The following ADCY8 variants were observed in gnomAD, a reference collection of about 807,000 sequenced individuals.
ADCY8 encodes adenylate cyclase 8, also known as adenylate cyclase type 8.
A neutral mutation model predicts 119.7 loss-of-function variants in ADCY8; 51 were observed. That is an observed-to-expected ratio of 0.43 (90% CI 0.34 to 0.54). ADCY8 has a LOEUF of 0.54. Among genes scored for constraint, ADCY8 ranks in the 20% least tolerant of loss-of-function variants. ADCY8 has a pLI of 0.03. For synonymous variants in ADCY8, 665 were observed against 651.0 expected (o/e 1.02, Z -0.33); for missense variants, 1,383 against 1,598.8 (o/e 0.87, Z 2.30).
At chr8:130,893,815 CGT>C (rs1211462388) in intron 7 of ADCY8, among the ~76,000 whole-genome samples, 3 of 103,322 alleles carry the variant, frequency 2.9e-5, no homozygotes, top group Non-Finnish European at 6.3e-5. Context: ...CATGTTTATG[CGT>C]GTGTGTGTTT....
intron 1 of ADCY8, among the ~76,000 whole-genome samples, chr8:131,018,466 A>C (rs1823551070): frequency 6.6e-6 from 1 of 152,170 alleles, no homozygotes. Flanking sequence ...TCATTCAATA[A>C]AATTTCCATG....
At chr8:130,965,620 G>A (rs1211907571) in intron 2 of ADCY8, among the ~76,000 whole-genome samples, 1 of 152,078 alleles carries the variant, frequency 6.6e-6, no homozygotes, top group East Asian at 1.9e-4. Context: ...CTACTTACTA[G>A]CAATGTGTAT....
chr8:130,969,264 C>G (rs1159425879), intron 2 of ADCY8, among the ~76,000 whole-genome samples: 1 of 152,140 alleles, frequency 6.6e-6, no homozygotes, highest in Non-Finnish European at 1.5e-5. Context: ...GAAAGGAATT[C>G]TGCAGCAGAT....
chr8:130,869,843 T>C (rs914658359), intron 8 of ADCY8, among the ~76,000 whole-genome samples: 1 of 151,932 alleles, frequency 6.6e-6, no homozygotes, highest in African/African-American at 2.4e-5. Context: ...CAAACCAGCA[T>C]GGTTGCGTAG....
chr8:130,782,551 G>T (rs868282719), intron 17 of ADCY8, among the ~76,000 whole-genome samples: 2 of 152,118 alleles, frequency 1.3e-5, no homozygotes, highest in African/African-American at 4.8e-5. Flanking sequence ...TCATGGCAAG[G>T]GTTGACCCTG....
rs112225613 is a variant in ADCY8, at chr8:130,926,309, G to GA, written c.1481+10763dup. On this transcript the variant is annotated intron_variant, in intron 5 of 17. Transcript: ENST00000286355. ...TCATTGTTCAAGCCTTTGTTTCCAG[G>GA]AAAAAAAAAAAAACCTTTGGTTCTT... 9.7e-3 allele frequency among the ~76,000 whole-genome samples: 1,392 copies of GA among 143,568 alleles called. 14 individuals are homozygous for GA. Among genetic ancestry groups the GA allele is most frequent in the Non-Finnish European group, 0.015 (988 of 65,534 alleles). The allele number at this position is 143,568 out of a possible 152,430, so 94.2% of individuals were successfully genotyped here. A position where few individuals can be genotyped will look rare whatever the true frequency, so the allele number is the denominator to read the frequency against.
At chr8:131,027,003 C>T (rs1368368428) in intron 1 of ADCY8, among the ~76,000 whole-genome samples, 1 of 152,184 alleles carries the variant, frequency 6.6e-6, no homozygotes, top group Non-Finnish European at 1.5e-5. Context: ...CAGTCTGAAT[C>T]CACATCCTGT....
At chr8:130,909,940 C>CTT (rs71304398) in intron 5 of ADCY8, 74 bp from the exon 6 acceptor site, 62,132 of 1,051,314 alleles carry the variant, frequency 0.059, 3 homozygotes, top group East Asian at 0.08. Context: ...ACTTTCTTTT[C>CTT]TTTTTTTTTT....
At chr8:130,827,553 T>C (rs995634955) in intron 12 of ADCY8, among the ~76,000 whole-genome samples, 2 of 152,226 alleles carry the variant, frequency 1.3e-5, no homozygotes, top group Non-Finnish European at 1.5e-5. Context: ...GCCAGTCTTT[T>C]CTCTTGGAAG....
At chr8:130,938,997 T>C (rs73718833) in intron 4 of ADCY8, among the ~76,000 whole-genome samples, 8,745 of 152,238 alleles carry the variant, frequency 0.057, 798 homozygotes, top group African/African-American at 0.2. Flanking sequence ...CTTAGAAAGT[T>C]TCTTGTTCTT....
intron 4 of ADCY8, among the ~76,000 whole-genome samples, chr8:130,938,329 G>T (rs1490718909): frequency 6.6e-6 from 1 of 152,132 alleles, no homozygotes; most frequent in East Asian, 1.9e-4. Context: ...AATTAATATT[G>T]CCTCTTTCTA....
intron 4 of ADCY8, among the ~76,000 whole-genome samples, chr8:130,942,756 G>A (rs192034353): frequency 7.1e-4 from 108 of 152,270 alleles, no homozygotes; most frequent in Non-Finnish European, 1.2e-3. Flanking sequence ...ATATTACTTC[G>A]TAACTCAAGT....
At chr8:130,797,562 C>T (rs1815623569) in intron 15 of ADCY8, among the ~76,000 whole-genome samples, 1 of 152,216 alleles carries the variant, frequency 6.6e-6, no homozygotes, top group South Asian at 2.1e-4. Flanking sequence ...ATGTGCTAGA[C>T]ACAGAGCTGG....
rs145232209 is a variant in ADCY8 at position 130,833,192 on chromosome 8, C to A, written c.2675+3085G>T. 8.5e-5 allele frequency among the ~76,000 whole-genome samples: 13 copies of A among 152,058 alleles called. No homozygotes were observed. The East Asian group carries it at 9.6e-4, about 11-fold the overall frequency. On this transcript the variant is annotated intron_variant, in intron 12 of 17. Transcript: ENST00000286355. ...AATGTTATTCAGTATGATTTAAAAG[C>A]GGTGCACACAGTACTTAAAAAGTGG...
chr8:130,951,471 C>T (rs1821268930), intron 3 of ADCY8, among the ~76,000 whole-genome samples: 2 of 152,058 alleles, frequency 1.3e-5, no homozygotes, highest in Admixed American at 6.6e-5. Context: ...AACTGTCATC[C>T]TCTTTGTACT....
intron 8 of ADCY8, among the ~76,000 whole-genome samples, chr8:130,869,805 CTGCACCCGGCCGGCTACTGGTTAAT>C (rs1160306159): frequency 2.0e-5 from 3 of 152,078 alleles, no homozygotes; most frequent in Non-Finnish European, 2.9e-5. Flanking sequence ...GCGTGAGCCA[CTGCACCCGGCCGGCTACTGGTTAAT>C]TTCAAACCAG....
At position 130,862,486 on chromosome 8, in the gene ADCY8, C is replaced by G. The variant is rs937520991; in HGVS notation, c.2210+5360G>C. On this transcript the variant is annotated intron_variant, in intron 9 of 17. Coordinates refer to ENST00000286355, the MANE Select transcript of ADCY8 (RefSeq NM_001115.3). ...GAATTGCAGCGGCGCAATCTTGGCTCTCTGCAAGCTCCGCCTCCCAGGTTC... is the reference window on the plus strand; with the variant it reads ...GAATTGCAGCGGCGCAATCTTGGCTGTCTGCAAGCTCCGCCTCCCAGGTTC... 9.9e-5 allele frequency among the ~76,000 whole-genome samples: 15 copies of G among 152,186 alleles called. 1 individual carries two copies. Among genetic ancestry groups the G allele is most frequent in the African/African-American group, 3.4e-4 (14 of 41,440 alleles).
chr8:130,951,034 T>G (rs1821254309), intron 3 of ADCY8, among the ~76,000 whole-genome samples: 1 of 152,198 alleles, frequency 6.6e-6, no homozygotes, highest in Non-Finnish European at 1.5e-5. Context: ...GTTGGATTCT[T>G]TTGACTGAAA....
At chr8:131,038,690 G>T (rs1304831409) in intron 1 of ADCY8, among the ~76,000 whole-genome samples, 3 of 152,110 alleles carry the variant, frequency 2.0e-5, no homozygotes, top group South Asian at 2.1e-4. Context: ...ATCAAAACTT[G>T]CATTCTTTGC....
Sources: allele counts gnomAD v4.1 joint callset (sites outside exome capture counted in the v4.1 genomes callset), GRCh38; gene constraint gnomAD v4.1.1; transcripts MANE v1.5; gene names NCBI Gene and HGNC (gene_info 2026-07-23, HGNC 2026-07-21).